The following SKI variants were observed in gnomAD, a reference collection of about 807,000 sequenced individuals.
SKI encodes ski oncogene.
SKI carries 23 observed loss-of-function variants against 59.3 expected under a neutral mutation model. That is an observed-to-expected ratio of 0.39 (90% CI 0.28 to 0.55). The LOEUF (loss-of-function observed/expected upper bound fraction) is 0.55. Ranked by LOEUF, SKI falls within the 20% of genes least tolerant of loss-of-function variation. The pLI, the probability that SKI is intolerant of heterozygous loss-of-function variation, is 0.67. For synonymous variants in SKI, 673 were observed against 488.6 expected (o/e 1.38, Z -4.98); for missense variants, 1,017 against 1,038.9 (o/e 0.98, Z 0.29).
intron 1 of SKI, among the ~76,000 whole-genome samples, chr1:2,288,462 C>T (rs952388226): frequency 8.5e-5 from 13 of 152,192 alleles, no homozygotes; most frequent in African/African-American, 1.9e-4. Context: ...TCCCTGAATT[C>T]GGTTTTATTT....
rs190412964 is a variant in SKI at position 2,235,128 on chromosome 1, C to T, written c.969+5393C>T. Among the ~76,000 whole-genome samples the T allele has an allele frequency of 7.7e-3, 1,147 of 149,348 alleles. 45 individuals carry two copies. The highest frequency in any genetic ancestry group is 0.064 in the Admixed American group (951 of 14,940). On this transcript the variant is annotated intron_variant, in intron 1 of 6. Coordinates refer to ENST00000378536, the MANE Select transcript of SKI (RefSeq NM_003036.4). ...TGCGATCTTGGCTCACTGCAGCCTC[C>T]GTCTCCTGGGTTCAAGCGATTCTCC...
At chr1:2,292,928 G>T (rs72643475) in intron 1 of SKI, among the ~76,000 whole-genome samples, 13,150 of 152,278 alleles carry the variant, frequency 0.086, 799 homozygotes, top group East Asian at 0.28. Flanking sequence ...TCTCCCAGCC[G>T]AGGATGTCGG....
At chr1:2,305,988 G>A (rs1208501336) in intron 5 of SKI, 32 bp from the exon 6 acceptor site, 1 of 1,506,014 alleles carries the variant, frequency 6.6e-7, no homozygotes, top group South Asian at 1.2e-5. Context: ...GGACCGGCTG[G>A]GCAGTGACCC....
intron 1 of SKI, among the ~76,000 whole-genome samples, chr1:2,284,800 C>G (rs1004017181): frequency 3.3e-5 from 5 of 152,128 alleles, no homozygotes; most frequent in Non-Finnish European, 7.4e-5. Flanking sequence ...ACACGGGGGC[C>G]CACCTTGGCC....
At chr1:2,306,539 A>C in intron 6 of SKI, 38 bp from the exon 7 acceptor site, 1 of 1,530,604 alleles carries the variant, frequency 6.5e-7, no homozygotes, top group East Asian at 2.5e-5. Context: ...GGGGCAGGGC[A>C]GCGAGCAGGC....
chr1:2,275,037 G>A (rs1639710576), intron 1 of SKI, among the ~76,000 whole-genome samples: 1 of 152,188 alleles, frequency 6.6e-6, no homozygotes, highest in Non-Finnish European at 1.5e-5. Flanking sequence ...ACCCACCCAA[G>A]CTGAAGCGGC....
intron 1 of SKI, among the ~76,000 whole-genome samples, chr1:2,287,300 A>G (rs2100886420): frequency 6.6e-6 from 1 of 151,526 alleles, no homozygotes; most frequent in African/African-American, 2.4e-5. Flanking sequence ...GGCCTTGGAC[A>G]GGAAAAATTC....
At position 2,308,265 on chromosome 1, in the gene SKI, G is replaced by A. The variant is rs949921629; in HGVS notation, c.*1500G>A. 3.9e-5 allele frequency: 6 copies of A among 152,188 alleles called. No homozygotes were observed. The highest frequency in any genetic ancestry group is 1.2e-4 in the African/African-American group (5 of 41,430). 9.4% of individuals were successfully genotyped at this position (152,188 alleles called of 1,614,324 possible). ...TACTTGCCCAGGTACAGACGACCTC[G>A]GGGCAGTGACGAGCAAAGACCAGAG... On this transcript the variant is annotated 3_prime_UTR_variant, in exon 7 of 7. Transcript: ENST00000378536.
At chr1:2,297,313 A>G (rs1158829046) in intron 1 of SKI, among the ~76,000 whole-genome samples, 1 of 152,182 alleles carries the variant, frequency 6.6e-6, no homozygotes, top group African/African-American at 2.4e-5. Flanking sequence ...GGAATAGCAG[A>G]CGGGTTTTCA....
At chr1:2,296,591 C>A (rs1460661916) in intron 1 of SKI, among the ~76,000 whole-genome samples, 1 of 152,146 alleles carries the variant, frequency 6.6e-6, no homozygotes, top group Non-Finnish European at 1.5e-5. Context: ...GTTTTCCTTG[C>A]TGACTTGCAG....
Position 2,304,482 on chromosome 1 carries a change from C to T in SKI, c.1664C>T (p.Thr555Ile). Residue 555 changes from threonine to isoleucine, a missense_variant, in exon 5 of 7, where the codon ACC (threonine) becomes ATC (isoleucine). Thr to Ile is a moderately conservative substitution (Grantham distance 89, BLOSUM62 -1). Coordinates refer to ENST00000378536, the MANE Select transcript of SKI (RefSeq NM_003036.4). ...LRQALEGGLDTKEAKEKFLHE... is the reference protein window; with the variant it reads ...LRQALEGGLDIKEAKEKFLHE... ...CAGGCACTGGAGGGCGGCCTGGACACCAAGGAAGCCAAAGAGAAGTTCCTG... is the reference window on the plus strand; with the variant it reads ...CAGGCACTGGAGGGCGGCCTGGACATCAAGGAAGCCAAAGAGAAGTTCCTG... The T allele has an allele frequency of 6.3e-7, 1 of 1,577,154 alleles. No individual in the cohort carries two copies. The highest frequency in any genetic ancestry group is 8.6e-7 in the Non-Finnish European group (1 of 1,163,074).
chr1:2,280,665 A>AGGC lies in SKI; in HGVS notation c.970-22302_970-22300dup, dbSNP rs551410837. Among the ~76,000 whole-genome samples the AGGC allele has an allele frequency of 6.0e-3, 651 of 108,472 alleles. 14 individuals carry two copies. The highest frequency in any genetic ancestry group is 0.015 in the East Asian group (51 of 3,364). 71.2% of individuals were successfully genotyped at this position (108,472 alleles called of 152,430 possible). On this transcript the variant is annotated intron_variant, in intron 1 of 6. Transcript: ENST00000378536. Reference sequence around the variant, plus strand: ...TCAGAGAGAGGACACCCGAGAAGACAGGCGGCGGCGGCGATCTTCAGAGAG... The same window carrying AGGC: ...TCAGAGAGAGGACACCCGAGAAGACAGGCGGCGGCGGCGGCGATCTTCAGAGAG...
At chr1:2,291,458 G>A (rs1359487075) in intron 1 of SKI, among the ~76,000 whole-genome samples, 4 of 152,232 alleles carry the variant, frequency 2.6e-5, no homozygotes, top group African/African-American at 9.6e-5. Context: ...ATCTAGGGTC[G>A]TCATGGAGCC....
Position 2,303,185 on chromosome 1 carries a change from A to G in SKI, c.1095+82A>G. 6.2e-7 allele frequency: 1 copy of G among 1,604,176 alleles called. No individual in the cohort carries two copies. The highest frequency in any genetic ancestry group is 8.5e-7 in the Non-Finnish European group (1 of 1,173,362). On this transcript the variant is annotated intron_variant, in intron 2 of 6. Coordinates refer to ENST00000378536, the MANE Select transcript of SKI (RefSeq NM_003036.4). The surrounding 1 kb of genome is among the most constrained non-coding windows in gnomAD (Gnocchi z 5.6). Reference sequence around the variant, plus strand: ...GGCAGACCCAGCGGCTGGCAGCTCCACCTGCCCGCTACTGAGGGCTGGCAC... The same window carrying G: ...GGCAGACCCAGCGGCTGGCAGCTCCGCCTGCCCGCTACTGAGGGCTGGCAC...
At chr1:2,252,335 GC>G (rs1158370124) in intron 1 of SKI, among the ~76,000 whole-genome samples, 1 of 152,168 alleles carries the variant, frequency 6.6e-6, no homozygotes, top group Non-Finnish European at 1.5e-5. Context: ...AATCCCCTGG[GC>G]CCCAGGAGGG....
intron 1 of SKI, among the ~76,000 whole-genome samples, chr1:2,239,272 T>C (rs1345687739): frequency 1.3e-5 from 2 of 152,232 alleles, no homozygotes. Flanking sequence ...TTTGTTAACA[T>C]TCTTGGATGC....
At chr1:2,305,981 C>T (rs201087978) in intron 5 of SKI, 39 bp from the exon 6 acceptor site, 3 of 1,462,554 alleles carry the variant, frequency 2.1e-6, no homozygotes, top group East Asian at 2.4e-5. Context: ...TGTGCTGGGA[C>T]CGGCTGGGCA....
At chr1:2,239,999 C>T (rs1557813869) in intron 1 of SKI, among the ~76,000 whole-genome samples, 1 of 151,976 alleles carries the variant, frequency 6.6e-6, no homozygotes. Flanking sequence ...TTTTAATTTT[C>T]CCAGCTGAAC....
rs754588854 is a variant in SKI at position 2,308,632 on chromosome 1, G to A, written c.*1867G>A. ...TTTTTTTTCAGTTATTTCTTCAAGGGAAACTAAATGATTTAGTTGGAGCAA... is the reference window on the plus strand; with the variant it reads ...TTTTTTTTCAGTTATTTCTTCAAGGAAAACTAAATGATTTAGTTGGAGCAA... On this transcript the variant is annotated 3_prime_UTR_variant, in exon 7 of 7. Coordinates refer to ENST00000378536, the MANE Select transcript of SKI (RefSeq NM_003036.4). 2 of 151,952 alleles carry A rather than the reference G, an allele frequency of 1.3e-5. No homozygotes were observed. Among genetic ancestry groups the A allele is most frequent in the African/African-American group, 2.4e-5 (1 of 41,364 alleles). 9.4% of individuals were successfully genotyped at this position (151,952 alleles called of 1,614,324 possible).
Sources: allele counts gnomAD v4.1 joint callset (sites outside exome capture counted in the v4.1 genomes callset), GRCh38; gene constraint gnomAD v4.1.1; non-coding constraint Gnocchi (gnomAD v3.1); transcripts MANE v1.5; gene names NCBI Gene and HGNC (gene_info 2026-07-23, HGNC 2026-07-21).